Variants in CCDC178 observed in about 807,000 individuals in gnomAD.
CCDC178 encodes coiled-coil domain-containing protein 178.
A neutral mutation model predicts 117.4 loss-of-function variants in CCDC178; 126 were observed. The ratio of observed to expected loss-of-function variants is 1.07; its 90% CI spans 0.93 to 1.24. The LOEUF is 1.24. Ranked by LOEUF, CCDC178 falls within the 50% of genes most tolerant of loss-of-function variation. CCDC178 has a pLI of 0.00. For missense variants in CCDC178, 1,030 were observed against 986.9 expected (o/e 1.04, Z -0.59); for synonymous variants, 283 against 313.4 (o/e 0.90, Z 1.02).
intron 20 of CCDC178, among the ~76,000 whole-genome samples, chr18:33,111,060 T>C (rs554419974): frequency 5.9e-5 from 9 of 151,736 alleles, no homozygotes; most frequent in Admixed American, 5.3e-4. Flanking sequence ...ATTTGATTTT[T>C]CTCAGAAAGG....
intron 21 of CCDC178, among the ~76,000 whole-genome samples, chr18:32,984,229 G>A (rs1031126870): frequency 2.0e-5 from 3 of 151,480 alleles, no homozygotes; most frequent in African/African-American, 2.4e-5. Flanking sequence ...TAATATATTC[G>A]ATAATTCTGC....
Position 33,380,802 on chromosome 18 carries a change from G to T in CCDC178, c.208+8738C>A, listed in dbSNP as rs537773195. 9.3e-4 allele frequency among the ~76,000 whole-genome samples: 141 copies of T among 152,298 alleles called. 1 individual carries two copies. Among genetic ancestry groups the T allele is most frequent in the Non-Finnish European group, 1.8e-3 (122 of 68,030 alleles). On this transcript the variant is annotated intron_variant, in intron 5 of 22. Transcript: ENST00000383096. ...ATCTTGCTTTTTCCAAGTGGCCAAG[G>T]CATGCTAAGAGCCTCTCATCTGCCA...
chr18:33,352,165 T>C (rs2062987429), intron 7 of CCDC178, among the ~76,000 whole-genome samples: 1 of 152,202 alleles, frequency 6.6e-6, no homozygotes, highest in African/African-American at 2.4e-5. Flanking sequence ...TATGTGTTTT[T>C]AAGAATTAGT....
chr18:33,356,861 T>C (rs2063064835), intron 6 of CCDC178, among the ~76,000 whole-genome samples: 2 of 152,140 alleles, frequency 1.3e-5, no homozygotes, highest in South Asian at 4.1e-4. Flanking sequence ...TGGCAGAAGT[T>C]TGCATTCTGT....
At chr18:33,362,095 G>A (rs1055841589) in intron 6 of CCDC178, among the ~76,000 whole-genome samples, 9 of 151,570 alleles carry the variant, frequency 5.9e-5, no homozygotes, top group African/African-American at 2.2e-4. Flanking sequence ...ATGTAGGAGT[G>A]TGTTTGTGTC....
intron 14 of CCDC178, among the ~76,000 whole-genome samples, chr18:33,264,621 T>A (rs1466012652): frequency 6.6e-6 from 1 of 152,052 alleles, no homozygotes; most frequent in Non-Finnish European, 1.5e-5. Context: ...TCCCCATAAA[T>A]AGAGCTGCAT....
chr18:33,411,549 A>ATT (rs2063854214), intron 3 of CCDC178, among the ~76,000 whole-genome samples: 2 of 62,666 alleles, frequency 3.2e-5, no homozygotes, highest in South Asian at 3.2e-3. Context: ...GATGCAAAAA[A>ATT]ATAAAGTAAT....
intron 20 of CCDC178, among the ~76,000 whole-genome samples, chr18:33,187,496 C>G (rs2058811155): frequency 6.6e-6 from 1 of 152,168 alleles, no homozygotes; most frequent in East Asian, 1.9e-4. Context: ...ACATCTCATT[C>G]CTTCTAGGCT....
At chr18:33,432,106 A>G (rs770855201) in intron 2 of CCDC178, among the ~76,000 whole-genome samples, 2 of 152,228 alleles carry the variant, frequency 1.3e-5, no homozygotes, top group Non-Finnish European at 2.9e-5. Context: ...TCAAGTCAGC[A>G]GTGATCTATG....
At chr18:33,347,061 T>G (rs1174222270) in intron 8 of CCDC178, among the ~76,000 whole-genome samples, 2 of 152,156 alleles carry the variant, frequency 1.3e-5, no homozygotes, top group Non-Finnish European at 2.9e-5. Context: ...AATAAATGTG[T>G]AGAGCCCATT....
At chr18:33,417,877 G>A (rs1324006481) in intron 2 of CCDC178, among the ~76,000 whole-genome samples, 2 of 152,106 alleles carry the variant, frequency 1.3e-5, no homozygotes, top group African/African-American at 2.4e-5. Context: ...AAAAAGCCCA[G>A]TACCAGAGAG....
At chr18:33,329,876 A>AGTGC (rs2062639825) in intron 10 of CCDC178, among the ~76,000 whole-genome samples, 1 of 131,414 alleles carries the variant, frequency 7.6e-6, no homozygotes, top group South Asian at 2.6e-4. Flanking sequence ...GAATTATTAG[A>AGTGC]GTGTGTGTGT....
intron 5 of CCDC178, among the ~76,000 whole-genome samples, chr18:33,379,125 A>ATTATATATATATTTCCATATATATATT: frequency 1.5e-4 from 1 of 6,784 alleles, no homozygotes; most frequent in African/African-American, 1.7e-4. Flanking sequence ...ATATATATAT[A>ATTATATATATATTTCCATATATATATT]ATATATATAT....
At chr18:33,216,165 T>C (rs1454657571) in intron 18 of CCDC178, among the ~76,000 whole-genome samples, 2 of 152,054 alleles carry the variant, frequency 1.3e-5, no homozygotes, top group Non-Finnish European at 2.9e-5. Flanking sequence ...AAATTGTTTA[T>C]TCTCTCTGTC....
intron 12 of CCDC178, among the ~76,000 whole-genome samples, chr18:33,269,437 C>T (rs2059859680): frequency 1.3e-5 from 2 of 151,820 alleles, no homozygotes; most frequent in South Asian, 2.1e-4. Context: ...AGCTATTTAA[C>T]CTCTCACCTC....
intron 21 of CCDC178, among the ~76,000 whole-genome samples, chr18:33,084,797 C>T (rs980752907): frequency 2.0e-5 from 3 of 147,802 alleles, no homozygotes; most frequent in South Asian, 2.1e-4. Flanking sequence ...GGCAACAGTG[C>T]GAGGCCCCGT....
chr18:33,430,286 T>C (rs1242137014), intron 2 of CCDC178, among the ~76,000 whole-genome samples: 1 of 152,222 alleles, frequency 6.6e-6, no homozygotes, highest in African/African-American at 2.4e-5. Context: ...CAGTAAATAT[T>C]ATATGAAATG....
intron 2 of CCDC178, among the ~76,000 whole-genome samples, chr18:33,420,435 C>T (rs1016164747): frequency 1.3e-5 from 2 of 152,154 alleles, no homozygotes; most frequent in Admixed American, 1.3e-4. Context: ...CTCACCACAA[C>T]CTCTGCCTCC....
At position 33,356,386 on chromosome 18, in the gene CCDC178, A is replaced by G; in HGVS notation, c.349-40T>C. 2.1e-6 allele frequency: 3 copies of G among 1,434,664 alleles called. 1 individual carries two copies. In the Middle Eastern group the frequency reaches 5.5e-4, roughly 261 times the overall value. 88.9% of individuals were successfully genotyped at this position (1,434,664 alleles called of 1,614,324 possible). On this transcript the variant is annotated intron_variant, in intron 6 of 22. Coordinates refer to ENST00000383096, the MANE Select transcript of CCDC178 (RefSeq NM_001105528.4). ...GATCTCAATAAAAATCAAATCTTAA[A>G]CATATTAAAAAACTGAATAAATGTC...
Sources: allele counts gnomAD v4.1 joint callset (sites outside exome capture counted in the v4.1 genomes callset), GRCh38; gene constraint gnomAD v4.1.1; transcripts MANE v1.5; gene names NCBI Gene and HGNC (gene_info 2026-07-23, HGNC 2026-07-21).